Variants in NOL4 observed in about 807,000 individuals in gnomAD.
The protein encoded by NOL4 is cancer/testis antigen 125.
In NOL4, 17 loss-of-function variants were observed where a neutral mutation model predicts 75.9. The ratio of observed to expected loss-of-function variants is 0.22; its 90% CI spans 0.15 to 0.34. NOL4 has a LOEUF of 0.34. Ranked by LOEUF, NOL4 falls within the 10% of genes least tolerant of loss-of-function variation. The probability of loss-of-function intolerance (pLI) is 1.00; values close to 1 mark genes in which losing one functional copy is unlikely to be tolerated. For missense variants in NOL4, 614 were observed against 793.5 expected, an observed-to-expected ratio of 0.77 and a Z score of 2.72; for synonymous variants, 292 against 289.9, an observed-to-expected ratio of 1.01 and a Z score of -0.07.
At chr18:34,145,329 G>A (rs919861774) in intron 1 of NOL4, among the ~76,000 whole-genome samples, 1 of 151,480 alleles carries the variant, frequency 6.6e-6, no homozygotes, top group Admixed American at 6.6e-5. Flanking sequence ...TATTCTAATG[G>A]GCAAAATCAT....
intron 4 of NOL4, among the ~76,000 whole-genome samples, chr18:34,102,442 A>G (rs2079081467): frequency 6.6e-6 from 1 of 152,068 alleles, no homozygotes; most frequent in South Asian, 2.1e-4. Flanking sequence ...CTTTCAATAA[A>G]CACAATTTTC....
chr18:33,856,303 C>T (rs78774436), intron 10 of NOL4, among the ~76,000 whole-genome samples: 2,110 of 151,976 alleles, frequency 0.014, 46 homozygotes, highest in African/African-American at 0.048. Flanking sequence ...ACAAAAACCA[C>T]GATGGTTTAA....
intron 1 of NOL4, among the ~76,000 whole-genome samples, chr18:34,185,602 T>C (rs2034398705): frequency 6.6e-6 from 1 of 152,184 alleles, no homozygotes; most frequent in Non-Finnish European, 1.5e-5. Flanking sequence ...GCTTTTCAGC[T>C]CTTGTCAGAC....
intron 6 of NOL4, among the ~76,000 whole-genome samples, chr18:34,013,919 C>A (rs1234329227): frequency 1.3e-5 from 2 of 151,776 alleles, no homozygotes; most frequent in Non-Finnish European, 2.9e-5. Context: ...TGCTTCTACC[C>A]TAAACAACAC....
intron 6 of NOL4, among the ~76,000 whole-genome samples, chr18:33,989,362 T>C (rs2072746555): frequency 6.6e-6 from 1 of 151,688 alleles, no homozygotes; most frequent in Non-Finnish European, 1.5e-5. Context: ...AGTAAAAAAA[T>C]ACGAAAAATT....
intron 1 of NOL4, among the ~76,000 whole-genome samples, chr18:34,158,215 G>T (rs2030789049): frequency 1.3e-5 from 2 of 152,140 alleles, no homozygotes; most frequent in African/African-American, 4.8e-5. Context: ...TTGAGAGCAA[G>T]GGGTTGTGAC....
chr18:34,017,058 G>A (rs570037274), intron 6 of NOL4, among the ~76,000 whole-genome samples: 1 of 152,026 alleles, frequency 6.6e-6, no homozygotes, highest in South Asian at 2.1e-4. Context: ...CCTTCATAGT[G>A]TCTAGCAAGA....
intron 9 of NOL4, among the ~76,000 whole-genome samples, chr18:33,926,470 T>C (rs1381105609): frequency 6.6e-6 from 1 of 151,962 alleles, no homozygotes; most frequent in Non-Finnish European, 1.5e-5. Flanking sequence ...CCTTCTTAGA[T>C]GTCTTCTGAA....
At chr18:33,979,283 G>A (rs924182001) in intron 6 of NOL4, among the ~76,000 whole-genome samples, 1 of 151,462 alleles carries the variant, frequency 6.6e-6, no homozygotes, top group African/African-American at 2.4e-5. Flanking sequence ...AGGATGAGAG[G>A]GCAAAAAGAA....
At chr18:34,084,259 C>A (rs2078144831) in intron 5 of NOL4, among the ~76,000 whole-genome samples, 1 of 152,072 alleles carries the variant, frequency 6.6e-6, no homozygotes, top group Admixed American at 6.5e-5. Flanking sequence ...CCAGAGCTAG[C>A]AGACAGGAAA....
chr18:34,124,902 T>C (rs936153010), intron 2 of NOL4, among the ~76,000 whole-genome samples: 1 of 32,958 alleles, frequency 3.0e-5, no homozygotes, highest in African/African-American at 2.3e-4. Flanking sequence ...AGCAAAACTG[T>C]CTCAAAAAAA....
intron 1 of NOL4, among the ~76,000 whole-genome samples, chr18:34,167,794 A>T (rs866016162): frequency 5.9e-5 from 9 of 152,052 alleles, no homozygotes; most frequent in South Asian, 2.1e-4. Context: ...GACTGGAGGG[A>T]GTAGGGAGAA....
chr18:34,166,447 T>G (rs1247814528), intron 1 of NOL4, among the ~76,000 whole-genome samples: 2 of 152,146 alleles, frequency 1.3e-5, no homozygotes, highest in Non-Finnish European at 2.9e-5. Context: ...GAAAGGTATT[T>G]GTTTTTTACA....
At chr18:34,066,726 T>C (rs1168996599) in intron 5 of NOL4, among the ~76,000 whole-genome samples, 1 of 151,702 alleles carries the variant, frequency 6.6e-6, no homozygotes, top group Non-Finnish European at 1.5e-5. Context: ...AAGTGTATGT[T>C]CCTTTCCTAA....
At chr18:34,053,260 C>T (rs1600408736) in intron 5 of NOL4, among the ~76,000 whole-genome samples, 1 of 151,942 alleles carries the variant, frequency 6.6e-6, no homozygotes, top group East Asian at 1.9e-4. Context: ...GCTTTGCATA[C>T]TCTTAAATTG....
At chr18:34,023,286 A>G (rs574604780) in intron 5 of NOL4, among the ~76,000 whole-genome samples, 13 of 152,268 alleles carry the variant, frequency 8.5e-5, no homozygotes, top group Non-Finnish European at 1.2e-4. Context: ...AGAATTTTCT[A>G]TTGCTGAGTT....
At chr18:33,989,490 G>A (rs1253566528) in intron 6 of NOL4, among the ~76,000 whole-genome samples, 1 of 152,000 alleles carries the variant, frequency 6.6e-6, no homozygotes, top group Non-Finnish European at 1.5e-5. Flanking sequence ...GAAAAAGAAA[G>A]ATTCAATTTT....
chr18:34,044,301 C>A (rs955204559), intron 5 of NOL4, among the ~76,000 whole-genome samples: 1 of 151,878 alleles, frequency 6.6e-6, no homozygotes, highest in African/African-American at 2.4e-5. Flanking sequence ...AAATAAAATA[C>A]TTTTATCTTT....
chr18:34,112,961 C>T (rs557318760), intron 2 of NOL4, among the ~76,000 whole-genome samples: 1 of 152,192 alleles, frequency 6.6e-6, no homozygotes, highest in South Asian at 2.1e-4. Context: ...ACACGTTGTA[C>T]ACCTAACATA....
Sources: gnomAD v4.1 joint callset for allele counts (sites outside exome capture counted in the v4.1 genomes callset) on GRCh38, gnomAD v4.1.1 for gene constraint, MANE v1.5 for transcripts, NCBI Gene and HGNC (gene_info 2026-07-23, HGNC 2026-07-21) for gene names.